IL7: variants seen among roughly 807,000 people sequenced by gnomAD.
The protein encoded by IL7 is interleukin 7.
Under a neutral mutation model 21.6 loss-of-function variants are expected in IL7, and 3 were observed. The ratio of observed to expected loss-of-function variants is 0.14; its 90% CI spans 0.06 to 0.36. The LOEUF (loss-of-function observed/expected upper bound fraction) is 0.36, where lower values mean the gene tolerates loss of function less well. Among genes scored for constraint, IL7 ranks in the 10% least tolerant of loss-of-function variants. IL7 has a pLI of 1.00. For synonymous variants in IL7, 62 were observed against 68.1 expected, an observed-to-expected ratio of 0.91 and a Z score of 0.44; for missense variants, 175 against 200.2, an observed-to-expected ratio of 0.87 and a Z score of 0.76.
chr8:78,709,473 C>A (rs1305399132), intron 3 of IL7, among the ~76,000 whole-genome samples: 1 of 152,060 alleles, frequency 6.6e-6, no homozygotes, highest in Non-Finnish European at 1.5e-5. Context: ...TTCCAGACCT[C>A]GGTTTCTTAT....
chr8:78,676,968 A>T (rs1435742006), intron 4 of IL7, among the ~76,000 whole-genome samples: 1 of 152,098 alleles, frequency 6.6e-6, no homozygotes, highest in African/African-American at 2.4e-5. Context: ...TGGGTCCACT[A>T]GATAGTCATC....
chr8:78,678,900 G>C, intron 4 of IL7: 1 of 283,488 alleles, frequency 3.5e-6, no homozygotes, highest in Non-Finnish European at 6.4e-6. Flanking sequence ...TCAAAGAAGA[G>C]ACCAAGGTGC....
At chr8:78,689,753 T>G (rs1810148339) in intron 3 of IL7, among the ~76,000 whole-genome samples, 1 of 152,168 alleles carries the variant, frequency 6.6e-6, no homozygotes, top group Non-Finnish European at 1.5e-5. Flanking sequence ...TCTCCCATCC[T>G]GTGACTTGGC....
At chr8:78,769,346 C>G (rs917047561) in intron 2 of IL7, among the ~76,000 whole-genome samples, 8 of 152,084 alleles carry the variant, frequency 5.3e-5, no homozygotes, top group African/African-American at 1.9e-4. Context: ...TCTCAGGATA[C>G]AAAATCAATG....
chr8:78,675,356 T>A (rs1180165465), downstream of IL7, among the ~76,000 whole-genome samples: 1 of 152,004 alleles, frequency 6.6e-6, no homozygotes, highest in African/African-American at 2.4e-5. Context: ...ATTCGTTTTA[T>A]TCTAGATTCT....
At chr8:78,698,365 T>C (rs200274597) in intron 3 of IL7, 2 of 1,462,858 alleles carry the variant, frequency 1.4e-6, no homozygotes, top group East Asian at 4.7e-5. Context: ...CTCTGTTTTA[T>C]GTAACCTTTT....
At chr8:78,693,592 T>G (rs1810294588) in intron 3 of IL7, among the ~76,000 whole-genome samples, 1 of 152,170 alleles carries the variant, frequency 6.6e-6, no homozygotes, top group African/African-American at 2.4e-5. Context: ...TGTTTTTTTC[T>G]TGTAAATTTG....
intron 2 of IL7, among the ~76,000 whole-genome samples, chr8:78,778,172 T>C (rs1357791444): frequency 6.6e-6 from 1 of 152,150 alleles, no homozygotes; most frequent in Non-Finnish European, 1.5e-5. Flanking sequence ...ACTGGTCTTT[T>C]TTATACCTGT....
At chr8:78,696,326 G>T (rs747837354) in intron 3 of IL7, among the ~76,000 whole-genome samples, 22 of 152,138 alleles carry the variant, frequency 1.4e-4, no homozygotes, top group Non-Finnish European at 2.2e-4. Flanking sequence ...GAGCCACCGT[G>T]CCCAGCCCGT....
rs192003434 is a variant in IL7, at chr8:78,762,947, A to G, written c.148-22865T>C. Among the ~76,000 whole-genome samples, 430 of 152,208 alleles carry G rather than the reference A, an allele frequency of 2.8e-3. 2 individuals are homozygous for G. Among genetic ancestry groups the G allele is most frequent in the South Asian group, 7.5e-3 (36 of 4,822 alleles). On this transcript the variant is annotated intron_variant, in intron 2 of 5. Coordinates refer to ENST00000263851, the MANE Select transcript of IL7 (RefSeq NM_000880.4). ...AGACTTTTCCTGTAGCTGTAATTATAGTATTGTTTGGGGAAGATGTTTTGG... is the reference window on the plus strand; with the variant it reads ...AGACTTTTCCTGTAGCTGTAATTATGGTATTGTTTGGGGAAGATGTTTTGG...
chr8:78,708,869 CA>C (rs1331634502), intron 3 of IL7, among the ~76,000 whole-genome samples: 2 of 151,886 alleles, frequency 1.3e-5, no homozygotes, highest in Non-Finnish European at 2.9e-5. Flanking sequence ...GGGTTTTCAC[CA>C]TGTTAGGCTG....
intron 2 of IL7, among the ~76,000 whole-genome samples, chr8:78,779,701 T>C (rs1351601717): frequency 6.6e-6 from 1 of 152,204 alleles, no homozygotes; most frequent in Non-Finnish European, 1.5e-5. Flanking sequence ...AAGTTTTCTT[T>C]TTTTGTAGTA....
intron 2 of IL7, among the ~76,000 whole-genome samples, chr8:78,744,120 A>G (rs563075912): frequency 1.3e-5 from 2 of 151,470 alleles, no homozygotes; most frequent in Non-Finnish European, 2.9e-5. Context: ...GCAGCTGCGC[A>G]GTGCTGGGGT....
downstream of IL7, among the ~76,000 whole-genome samples, chr8:78,729,821 T>A (rs1002298780): frequency 6.6e-6 from 1 of 152,024 alleles, no homozygotes; most frequent in African/African-American, 2.4e-5. Context: ...CTCATTTGAA[T>A]CAGATTATTT....
At chr8:78,752,125 G>T (rs932474290) in intron 2 of IL7, among the ~76,000 whole-genome samples, 6 of 152,048 alleles carry the variant, frequency 3.9e-5, no homozygotes, top group African/African-American at 7.2e-5. Flanking sequence ...ATACCTGAAG[G>T]TTATTTCATT....
intron 2 of IL7, among the ~76,000 whole-genome samples, chr8:78,754,453 G>A (rs919055857): frequency 2.0e-5 from 3 of 152,110 alleles, no homozygotes; most frequent in Non-Finnish European, 4.4e-5. Flanking sequence ...TCGTGAAAAT[G>A]GCCATACTGC....
chr8:78,693,518 C>T (rs1810291701), intron 3 of IL7, among the ~76,000 whole-genome samples: 1 of 152,146 alleles, frequency 6.6e-6, no homozygotes, highest in South Asian at 2.1e-4. Flanking sequence ...CTTTTGGCCG[C>T]ATAAATGTCT....
intron 2 of IL7, among the ~76,000 whole-genome samples, chr8:78,741,586 A>G (rs997161732): frequency 6.6e-6 from 1 of 152,236 alleles, no homozygotes; most frequent in African/African-American, 2.4e-5. Context: ...TGACACATGA[A>G]TATTTAAAAA....
At chr8:78,685,293 C>T (rs1809933863) in intron 4 of IL7, among the ~76,000 whole-genome samples, 1 of 152,088 alleles carries the variant, frequency 6.6e-6, no homozygotes, top group Non-Finnish European at 1.5e-5. Flanking sequence ...CAATTTGTCA[C>T]TCCACACAGC....
Sources: allele counts gnomAD v4.1 joint callset (sites outside exome capture counted in the v4.1 genomes callset), GRCh38; gene constraint gnomAD v4.1.1; transcripts MANE v1.5; gene names NCBI Gene and HGNC (gene_info 2026-07-23, HGNC 2026-07-21).